Variants in LRRC8B observed in about 807,000 individuals in gnomAD.
LRRC8B encodes leucine rich repeat containing 8 VRAC subunit B, also known as volume-regulated anion channel subunit LRRC8B.
A neutral mutation model predicts 58.8 loss-of-function variants in LRRC8B; 23 were observed. That is an observed-to-expected ratio of 0.39 (90% confidence interval 0.28 to 0.55). LRRC8B has a LOEUF of 0.55. Ranked by LOEUF, LRRC8B falls within the 20% of genes least tolerant of loss-of-function variation. The pLI is 0.62. For missense variants in LRRC8B, 694 were observed against 936.0 expected, an observed-to-expected ratio of 0.74 and a Z score of 3.37; for synonymous variants, 359 against 374.1, an observed-to-expected ratio of 0.96 and a Z score of 0.47.
chr1:89,558,580 A>C (rs1652364196), intron 1 of LRRC8B: 1 of 152,188 alleles, frequency 6.6e-6, no homozygotes, highest in Non-Finnish European at 1.5e-5. Context: ...AGTTTAAGAG[A>C]CCATTGGATT....
At chr1:89,537,638 A>G (rs1650631734) in intron 1 of LRRC8B, among the ~76,000 whole-genome samples, 1 of 151,932 alleles carries the variant, frequency 6.6e-6, no homozygotes, top group African/African-American at 2.4e-5. Context: ...ACACCGGGCT[A>G]ATTTTTGTAT....
chr1:89,539,465 G>A (rs891054155), intron 1 of LRRC8B, among the ~76,000 whole-genome samples: 4 of 152,138 alleles, frequency 2.6e-5, no homozygotes, highest in Admixed American at 1.3e-4. Context: ...ACATTGTGGG[G>A]GTATAGGGAC....
At chr1:89,553,659 T>G (rs1651974531) in intron 1 of LRRC8B, among the ~76,000 whole-genome samples, 1 of 152,244 alleles carries the variant, frequency 6.6e-6, no homozygotes, top group Admixed American at 6.5e-5. Context: ...GTCTGCTTCC[T>G]TAAAATCTAA....
intron 3 of LRRC8B, among the ~76,000 whole-genome samples, chr1:89,574,073 A>G (rs567180875): frequency 2.2e-4 from 34 of 152,344 alleles, no homozygotes; most frequent in Middle Eastern, 6.8e-3. Flanking sequence ...AGGAAGCCCA[A>G]TTAGCCATAT....
chr1:89,546,181 T>C (rs1427496484), intron 1 of LRRC8B, among the ~76,000 whole-genome samples: 1 of 152,158 alleles, frequency 6.6e-6, no homozygotes, highest in Non-Finnish European at 1.5e-5. Context: ...AAAAGCGGCC[T>C]GGTACCAAAT....
At chr1:89,592,686 T>G in intron 5 of LRRC8B, 85 bp from the exon 6 acceptor site, 3 of 1,219,412 alleles carry the variant, frequency 2.5e-6, no homozygotes, top group Non-Finnish European at 3.5e-6. Context: ...ATGTTTTGTT[T>G]TTTTTTTTTT....
rs963874046 is a variant in LRRC8B, at chr1:89,596,820, T to G, written c.*3777T>G. ...GCCAGTGCCTGTAATTATGTCTCAT[T>G]GAGTAGTTTTACTTTGCCCATCCTG... On this transcript the variant is annotated 3_prime_UTR_variant, in exon 6 of 6. Transcript: ENST00000330947. The G allele has an allele frequency of 6.6e-6, 1 of 152,176 alleles. No individual in the cohort carries two copies. Among genetic ancestry groups the G allele is most frequent in the Non-Finnish European group, 1.5e-5 (1 of 67,998 alleles). 9.4% of individuals were successfully genotyped at this position (152,176 alleles called of 1,614,324 possible).
At chr1:89,559,839 C>G (rs953700753) in intron 1 of LRRC8B, among the ~76,000 whole-genome samples, 1 of 152,134 alleles carries the variant, frequency 6.6e-6, no homozygotes, top group South Asian at 2.1e-4. Context: ...AATTTTTAGT[C>G]GCTTTTTCAA....
intron 1 of LRRC8B, among the ~76,000 whole-genome samples, chr1:89,540,599 A>AACC (rs1650889702): frequency 1.3e-5 from 2 of 152,204 alleles, no homozygotes; most frequent in Non-Finnish European, 2.9e-5. Flanking sequence ...TGACCGTGGC[A>AACC]CAGCCTCTGC....
chr1:89,534,514 TACACAC>T (rs71312000), intron 1 of LRRC8B, among the ~76,000 whole-genome samples: 20 of 149,208 alleles, frequency 1.3e-4, no homozygotes, highest in South Asian at 4.2e-4. Flanking sequence ...TTTTGTGACA[TACACAC>T]ACACACACAC....
intron 1 of LRRC8B, among the ~76,000 whole-genome samples, chr1:89,557,415 T>G (rs1307007820): frequency 6.6e-6 from 1 of 152,230 alleles, no homozygotes; most frequent in Non-Finnish European, 1.5e-5. Flanking sequence ...GAATTAGGTT[T>G]CTTTATAAGA....
intron 1 of LRRC8B, among the ~76,000 whole-genome samples, chr1:89,565,769 G>A (rs1169947450): frequency 6.6e-6 from 1 of 152,176 alleles, no homozygotes; most frequent in Non-Finnish European, 1.5e-5. Flanking sequence ...ACTGACACGG[G>A]AGTGGGCTCA....
At position 89,594,255 on chromosome 1, in the gene LRRC8B, T is replaced by C. The variant is rs1402559948; in HGVS notation, c.*1212T>C. ...GTTTATGACTCATGTTTATGTACAT[T>C]CTGCTCCAAAATGTTTTTGTACTCT... On this transcript the variant is annotated 3_prime_UTR_variant, in exon 6 of 6. Transcript: ENST00000330947. 1 of 152,200 alleles carries C rather than the reference T, an allele frequency of 6.6e-6. No homozygotes were observed. Among genetic ancestry groups the C allele is most frequent in the Admixed American group, 6.5e-5 (1 of 15,270 alleles). 9.4% of individuals were successfully genotyped at this position (152,200 alleles called of 1,614,324 possible). A position where few individuals can be genotyped will look rare whatever the true frequency, so the allele number is the denominator to read the frequency against.
chr1:89,533,177 C>A (rs1650267442), intron 1 of LRRC8B, among the ~76,000 whole-genome samples: 1 of 152,206 alleles, frequency 6.6e-6, no homozygotes, highest in African/African-American at 2.4e-5. Context: ...AGAAAGTAAT[C>A]TTTCTAAAAG....
intron 3 of LRRC8B, among the ~76,000 whole-genome samples, chr1:89,569,632 G>T (rs1653298164): frequency 6.6e-6 from 1 of 152,114 alleles, no homozygotes; most frequent in African/African-American, 2.4e-5. Context: ...TTGCTGCAAA[G>T]AACATGATTT....
At chr1:89,552,803 T>C (rs1300564815) in intron 1 of LRRC8B, among the ~76,000 whole-genome samples, 1 of 152,190 alleles carries the variant, frequency 6.6e-6, no homozygotes, top group Non-Finnish European at 1.5e-5. Flanking sequence ...GGAAAAGATA[T>C]TTGCATAGAA....
intron 3 of LRRC8B, among the ~76,000 whole-genome samples, chr1:89,569,536 G>T (rs1375823616): frequency 6.6e-6 from 1 of 151,912 alleles, no homozygotes; most frequent in Non-Finnish European, 1.5e-5. Flanking sequence ...CCAATGCTTT[G>T]CTCCCACTTA....
intron 1 of LRRC8B, among the ~76,000 whole-genome samples, chr1:89,547,894 G>A (rs1242756400): frequency 6.6e-6 from 1 of 152,150 alleles, no homozygotes; most frequent in Non-Finnish European, 1.5e-5. Context: ...AATGAATCAA[G>A]TAATTGCTCA....
At chr1:89,588,089 A>G (rs1273353164) in intron 5 of LRRC8B, 1 of 152,162 alleles carries the variant, frequency 6.6e-6, no homozygotes, top group African/African-American at 2.4e-5. Context: ...AGGAGAGCTG[A>G]GAACACAAGA....
Sources: allele counts gnomAD v4.1 joint callset (sites outside exome capture counted in the v4.1 genomes callset), GRCh38; gene constraint gnomAD v4.1.1; transcripts MANE v1.5; gene names NCBI Gene and HGNC (gene_info 2026-07-23, HGNC 2026-07-21).